The following C2orf80 variants were observed in gnomAD, a reference collection of about 807,000 sequenced individuals.
C2orf80 encodes uncharacterized protein C2orf80.
C2orf80 carries 28 observed loss-of-function variants against 30.2 expected under a neutral mutation model. The observed-to-expected ratio is 0.93, with a 90% CI of 0.69 to 1.27. The LOEUF (loss-of-function observed/expected upper bound fraction) is 1.27. Ranked by LOEUF, C2orf80 falls within the 50% of genes most tolerant of loss-of-function variation. The pLI is 0.00. For missense variants in C2orf80, 220 were observed against 231.0 expected (o/e 0.95, Z 0.31); for synonymous variants, 80 against 76.4 (o/e 1.05, Z -0.24).
intron 6 of C2orf80, among the ~76,000 whole-genome samples, chr2:208,177,318 G>T (rs1318621381): frequency 6.6e-6 from 1 of 151,656 alleles, no homozygotes; most frequent in East Asian, 1.9e-4. Context: ...GAGGTGGGTG[G>T]ATCACCTGAG....
At chr2:208,169,923 A>C (rs947392453) in intron 8 of C2orf80, among the ~76,000 whole-genome samples, 28 of 152,168 alleles carry the variant, frequency 1.8e-4, no homozygotes, top group African/African-American at 6.3e-4. Context: ...ATAAGGTTAC[A>C]TTTCTAATTA....
Position 208,187,020 on chromosome 2 carries a change from A to G in C2orf80, c.-34T>C, listed in dbSNP as rs377313007. ...CTTAGCCAGCTGAGCAGGTATCTGC[A>G]GCTAACACTACACTTAGACCCAGCT... is the stretch of plus-strand genomic sequence containing the variant. On this transcript the variant is annotated 5_prime_UTR_variant, in exon 2 of 9. Coordinates refer to ENST00000341287, the MANE Select transcript of C2orf80 (RefSeq NM_001099334.3). 41 of 1,609,244 alleles carry G rather than the reference A, an allele frequency of 2.5e-5. No individual in the cohort carries two copies. Among genetic ancestry groups the G allele is most frequent in the Non-Finnish European group, 3.4e-5 (40 of 1,175,744 alleles).
chr2:208,180,771 A>G lies in C2orf80; in HGVS notation c.340T>C (p.Ser114Pro). Residue 114 changes from serine (S) to proline (P), a missense_variant, in exon 6 of 9, where the codon TCT becomes CCT. Coordinates refer to ENST00000341287, the MANE Select transcript of C2orf80 (RefSeq NM_001099334.3). ...EEVFKIYGAD[S>P]SADSGTIKVP... is the part of the protein sequence containing the mutation. ...TTGATGGTACCAGAATCGGCAGAAG[A>G]ATCAGCCCCATAAATTTTAAAGACT... The G allele has an allele frequency of 1.2e-6, 2 of 1,613,732 alleles. No individual in the cohort carries two copies. Among genetic ancestry groups the G allele is most frequent in the Non-Finnish European group, 1.7e-6 (2 of 1,179,776 alleles).
chr2:208,184,084 GA>G (rs1211547024), intron 3 of C2orf80, among the ~76,000 whole-genome samples: 1 of 152,188 alleles, frequency 6.6e-6, no homozygotes, highest in African/African-American at 2.4e-5. Context: ...GGAAGAATGG[GA>G]CCATGACCAA....
intron 6 of C2orf80, among the ~76,000 whole-genome samples, chr2:208,178,162 C>T (rs192892903): frequency 6.1e-4 from 93 of 152,238 alleles, no homozygotes; most frequent in African/African-American, 2.1e-3. Context: ...GCTACTCAGA[C>T]ACCCATGTTT....
In C2orf80 at chr2:208,165,796, A is replaced by T. The variant is rs75916583; in HGVS notation, c.*11T>A. 59 of 1,611,702 alleles carry T rather than the reference A, an allele frequency of 3.7e-5. No homozygotes were observed. The highest frequency in any genetic ancestry group is 4.9e-5 in the Non-Finnish European group (58 of 1,179,430). On this transcript the variant is annotated 3_prime_UTR_variant, in exon 9 of 9. Transcript: ENST00000341287. Reference sequence around the variant, plus strand: ...ATCTATTATGAAGTTCCATGGTACAATTCCAATTTTCTAAGTGACCTGCAG... The same window carrying T: ...ATCTATTATGAAGTTCCATGGTACATTTCCAATTTTCTAAGTGACCTGCAG...
Position 208,181,249 on chromosome 2 carries a change from A to C in C2orf80, c.263T>G (p.Met88Arg). Residue 88 changes from methionine to arginine, a missense_variant, in exon 5 of 9, where the codon ATG (methionine) becomes AGG (arginine). Physicochemically the swap from Met to Arg is moderately conservative, Grantham distance 91 (BLOSUM62 -1). Coordinates refer to ENST00000341287, the MANE Select transcript of C2orf80 (RefSeq NM_001099334.3). ...IYPNRREREA[M>R]ILSSYAGILM... Reference sequence around the variant, plus strand: ...GATTCCAGCATAAGATGATAAAATCATAGCTTCTCGTTCTCTACGATTTGG... The same window carrying C: ...GATTCCAGCATAAGATGATAAAATCCTAGCTTCTCGTTCTCTACGATTTGG... The C allele has an allele frequency of 1.2e-6, 2 of 1,611,010 alleles. No individual in the cohort carries two copies. The highest frequency in any genetic ancestry group is 1.7e-6 in the Non-Finnish European group (2 of 1,177,308).
chr2:208,188,936 A>G (rs552060364), intron 1 of C2orf80, among the ~76,000 whole-genome samples: 33 of 152,268 alleles, frequency 2.2e-4, no homozygotes, highest in Non-Finnish European at 3.5e-4. Context: ...AGGTGGCCCT[A>G]TTGCCTAGAG....
intron 8 of C2orf80, 23 bp from the exon 9 acceptor site, chr2:208,165,838 G>A (rs1184238697): frequency 1.3e-6 from 2 of 1,574,806 alleles, no homozygotes; most frequent in South Asian, 1.1e-5. Flanking sequence ...AGATGATTTT[G>A]GTATCAAGCA....
chr2:208,170,972 C>T lies in C2orf80; in HGVS notation c.546G>A (p.Arg182=), dbSNP rs926234382. 5.0e-6 allele frequency: 8 copies of T among 1,613,932 alleles called. No homozygotes were observed. The African/African-American group carries it at 1.1e-4, about 22-fold the overall frequency. Residue 182 remains arginine (R), a synonymous_variant, in exon 8 of 9, where the codon AGG becomes AGA. Transcript: ENST00000341287. ...TGTGCTTTGGCTGTGTGTCTGAAAA[C>T]CTTTGTGATGATTTCCATTCTGTGG... The part of the protein sequence containing the change: ...ANATEWKSSQ[R]FSDTQPKHKV...
chr2:208,176,031 T>C (rs1696282190), intron 6 of C2orf80, among the ~76,000 whole-genome samples: 1 of 152,152 alleles, frequency 6.6e-6, no homozygotes, highest in African/African-American at 2.4e-5. Context: ...CCCTCTGTGA[T>C]CACTGGTTGT....
At position 208,165,533 on chromosome 2, in the gene C2orf80, A is replaced by T. The variant is rs1695856626; in HGVS notation, c.*274T>A. 1 of 349,578 alleles carries T rather than the reference A, an allele frequency of 2.9e-6. No individual in the cohort carries two copies. The highest frequency in any genetic ancestry group is 2.1e-5 in the African/African-American group (1 of 47,566). 21.7% of individuals were successfully genotyped at this position (349,578 alleles called of 1,614,324 possible). A position where few individuals can be genotyped will look rare whatever the true frequency, so the allele number is the denominator to read the frequency against. ...ATGTGCTACAAAGCCAGCTTGCTCT[A>T]ACACAGAAATACTATATACTTTCTG... is the stretch of plus-strand genomic sequence containing the variant. On this transcript the variant is annotated 3_prime_UTR_variant, in exon 9 of 9. Transcript: ENST00000341287.
rs1260184868 is a variant in C2orf80, at chr2:208,185,087, A to C, written c.42-55T>G. 5 of 1,364,748 alleles carry C rather than the reference A, an allele frequency of 3.7e-6. No individual in the cohort carries two copies. In the African/African-American group the frequency reaches 7.6e-5, roughly 21 times the overall value. 84.5% of individuals were successfully genotyped at this position (1,364,748 alleles called of 1,614,324 possible). A position where few individuals can be genotyped will look rare whatever the true frequency, so the allele number is the denominator to read the frequency against. ...TTGGAGTGACACGGGCTCAGTCTGCAGAAAAAGGCTTTTTTTTTTCCCATC... is the reference window on the plus strand; with the variant it reads ...TTGGAGTGACACGGGCTCAGTCTGCCGAAAAAGGCTTTTTTTTTTCCCATC... On this transcript the variant is annotated intron_variant, in intron 2 of 8. Transcript: ENST00000341287.
intron 6 of C2orf80, among the ~76,000 whole-genome samples, chr2:208,176,974 T>TACATATGTATACAG (rs1696360820): frequency 2.6e-5 from 2 of 76,366 alleles, no homozygotes; most frequent in Non-Finnish European, 6.0e-5. Flanking sequence ...TGTATACATA[T>TACATATGTATACAG]ATACAGAAAT....
At chr2:208,168,682 T>C (rs1055949312) in intron 8 of C2orf80, among the ~76,000 whole-genome samples, 5 of 122,552 alleles carry the variant, frequency 4.1e-5, no homozygotes, top group Admixed American at 8.6e-5. Context: ...AAAAAAAGAG[T>C]TGGAAAAAAT....
intron 4 of C2orf80, 56 bp downstream of exon 4, chr2:208,182,909 A>G: frequency 1.5e-6 from 2 of 1,357,834 alleles, no homozygotes; most frequent in East Asian, 2.3e-5. Context: ...AACTTCCTCT[A>G]TCATTAATCA....
intron 6 of C2orf80, among the ~76,000 whole-genome samples, chr2:208,178,307 C>G (rs1284669235): frequency 6.6e-6 from 1 of 152,126 alleles, no homozygotes; most frequent in Non-Finnish European, 1.5e-5. Flanking sequence ...TGATGCCTTT[C>G]TAGACCTCTC....
chr2:208,169,235 TTG>T (rs5838108), intron 8 of C2orf80, among the ~76,000 whole-genome samples: 132,427 of 149,126 alleles, frequency 0.89, 58,973 homozygotes, highest in Non-Finnish European at 0.92. Flanking sequence ...AGAGATCTTT[TTG>T]TGTGTGTGTG....
At chr2:208,178,177 A>G (rs1041653303) in intron 6 of C2orf80, among the ~76,000 whole-genome samples, 3 of 151,890 alleles carry the variant, frequency 2.0e-5, no homozygotes, top group African/African-American at 7.3e-5. Context: ...ATGTTTGCAA[A>G]CCTTCTTGAC....
Sources: gnomAD v4.1 joint callset for allele counts (sites outside exome capture counted in the v4.1 genomes callset) on GRCh38, gnomAD v4.1.1 for gene constraint, MANE v1.5 for transcripts, NCBI Gene and HGNC (gene_info 2026-07-23, HGNC 2026-07-21) for gene names.